The following LCLAT1 variants were observed in gnomAD, a reference collection of about 807,000 sequenced individuals.
LCLAT1 encodes lysocardiolipin acyltransferase 1, also known as 1-AGP acyltransferase 8.
LCLAT1 carries 11 observed loss-of-function variants against 30.7 expected under a neutral mutation model. That is an observed-to-expected ratio of 0.36 (90% CI 0.23 to 0.59). The LOEUF (loss-of-function observed/expected upper bound fraction) is 0.59, where lower values mean the gene tolerates loss of function less well. Ranked by LOEUF, LCLAT1 falls within the 20% of genes least tolerant of loss-of-function variation. The probability of loss-of-function intolerance (pLI) is 0.77; values close to 1 mark genes in which losing one functional copy is unlikely to be tolerated. For synonymous variants in LCLAT1, 155 were observed against 151.3 expected, an observed-to-expected ratio of 1.02 and a Z score of -0.18; for missense variants, 402 against 458.6, an observed-to-expected ratio of 0.88 and a Z score of 1.13.
chr2:30,619,797 T>C (rs1558561139), intron 5 of LCLAT1, among the ~76,000 whole-genome samples: 1 of 152,106 alleles, frequency 6.6e-6, no homozygotes, highest in African/African-American at 2.4e-5. Context: ...TTTAAGTTTT[T>C]CCCCCCAATC....
At chr2:30,469,348 G>A (rs370464232) in intron 1 of LCLAT1, among the ~76,000 whole-genome samples, 2 of 151,948 alleles carry the variant, frequency 1.3e-5, no homozygotes, top group South Asian at 2.1e-4. Context: ...CTTTGTTTTC[G>A]TATAAGAATT....
chr2:30,568,341 A>G (rs1258531358), intron 5 of LCLAT1, among the ~76,000 whole-genome samples, 165 bp downstream of exon 5: 1 of 152,074 alleles, frequency 6.6e-6, no homozygotes, highest in Non-Finnish European at 1.5e-5. Context: ...ATGTTTTGCC[A>G]TGTATTTGTT....
At chr2:30,615,041 A>G (rs903853757) in intron 5 of LCLAT1, among the ~76,000 whole-genome samples, 14 of 152,248 alleles carry the variant, frequency 9.2e-5, no homozygotes, top group African/African-American at 3.4e-4. Context: ...ATGAAAGAGG[A>G]TTGAAGACAG....
chr2:30,501,624 G>A (rs755730115), intron 1 of LCLAT1, among the ~76,000 whole-genome samples: 68 of 152,000 alleles, frequency 4.5e-4, no homozygotes, highest in African/African-American at 1.3e-3. Flanking sequence ...GCAGTGAGCC[G>A]AGATCATACC....
intron 5 of LCLAT1, among the ~76,000 whole-genome samples, chr2:30,575,494 C>G (rs929207860): frequency 1.6e-4 from 24 of 152,142 alleles, no homozygotes; most frequent in African/African-American, 5.8e-4. Flanking sequence ...AGTGATCACA[C>G]TTACAGATTT....
chr2:30,620,844 C>T (rs1668211539), intron 5 of LCLAT1, among the ~76,000 whole-genome samples: 1 of 152,112 alleles, frequency 6.6e-6, no homozygotes, highest in East Asian at 1.9e-4. Flanking sequence ...GGTCCACAAA[C>T]CCCTCCCATG....
chr2:30,471,630 G>T (rs907821209), intron 1 of LCLAT1, among the ~76,000 whole-genome samples: 3 of 152,034 alleles, frequency 2.0e-5, no homozygotes, highest in African/African-American at 2.4e-5. Flanking sequence ...TTATTCCTAG[G>T]TTTATTCTTT....
In LCLAT1 at chr2:30,449,047, C is replaced by T. The variant is rs1002123100; in HGVS notation, c.-5+1664C>T. Among the ~76,000 whole-genome samples, 13 of 152,298 alleles carry T rather than the reference C, an allele frequency of 8.5e-5. No homozygotes were observed. The East Asian group carries it at 2.5e-3, about 29-fold the overall frequency. ...ATGTGCCAACTCAGTCATCTAGCAT[C>T]ACTGTGAGGCGGATACATTTATTAT... On this transcript the variant is annotated intron_variant, in intron 1 of 5. Transcript: ENST00000379509.
At chr2:30,608,039 A>T (rs1399385458) in intron 5 of LCLAT1, among the ~76,000 whole-genome samples, 1 of 151,970 alleles carries the variant, frequency 6.6e-6, no homozygotes, top group Non-Finnish European at 1.5e-5. Context: ...CAAGTTTTAA[A>T]CATTTAGAAG....
At chr2:30,493,503 T>C (rs957237677) in intron 1 of LCLAT1, among the ~76,000 whole-genome samples, 1 of 152,238 alleles carries the variant, frequency 6.6e-6, no homozygotes, top group Non-Finnish European at 1.5e-5. Flanking sequence ...CCAAGCATGT[T>C]CTAGATCATG....
intron 1 of LCLAT1, among the ~76,000 whole-genome samples, chr2:30,477,470 A>G (rs768222437): frequency 2.0e-5 from 3 of 152,272 alleles, no homozygotes; most frequent in Non-Finnish European, 2.9e-5. Context: ...TCATTTCTGG[A>G]TACTTGTTTG....
At chr2:30,561,698 A>C (rs1333382723) in intron 3 of LCLAT1, among the ~76,000 whole-genome samples, 1 of 152,200 alleles carries the variant, frequency 6.6e-6, no homozygotes, top group African/African-American at 2.4e-5. Context: ...GAGTGGTATC[A>C]GAAGGGAAAT....
intron 3 of LCLAT1, among the ~76,000 whole-genome samples, chr2:30,534,959 A>G (rs1281275940): frequency 1.3e-5 from 2 of 152,238 alleles, no homozygotes; most frequent in East Asian, 3.8e-4. Context: ...CTAACAGGAT[A>G]TTAAGAATAA....
intron 1 of LCLAT1, among the ~76,000 whole-genome samples, chr2:30,506,884 G>A (rs984764297): frequency 6.6e-6 from 1 of 152,068 alleles, no homozygotes; most frequent in African/African-American, 2.4e-5. Context: ...TTTCACTAAC[G>A]TTTATGGAAA....
chr2:30,500,078 C>A (rs558960581), intron 1 of LCLAT1, among the ~76,000 whole-genome samples: 1 of 152,112 alleles, frequency 6.6e-6, no homozygotes, highest in African/African-American at 2.4e-5. Flanking sequence ...TGAAAGAAAA[C>A]ACCCATTTTA....
At chr2:30,620,462 T>A (rs1001233921) in intron 5 of LCLAT1, among the ~76,000 whole-genome samples, 4 of 152,208 alleles carry the variant, frequency 2.6e-5, no homozygotes, top group African/African-American at 9.6e-5. Context: ...TTGTAGTAAC[T>A]GCTGTAAAAT....
At chr2:30,587,115 C>T (rs7559747) in intron 5 of LCLAT1, among the ~76,000 whole-genome samples, 14,456 of 152,290 alleles carry the variant, frequency 0.095, 730 homozygotes, top group East Asian at 0.12. Context: ...CTGTCACTAA[C>T]ACTTGATCCT....
chr2:30,604,550 T>C (rs937821698), intron 5 of LCLAT1, among the ~76,000 whole-genome samples: 7 of 144,742 alleles, frequency 4.8e-5, no homozygotes, highest in African/African-American at 1.8e-4. Flanking sequence ...GTGTGTAAAA[T>C]AAAATTATAC....
intron 5 of LCLAT1, among the ~76,000 whole-genome samples, chr2:30,632,644 G>A (rs894142482): frequency 6.6e-6 from 1 of 152,202 alleles, no homozygotes; most frequent in African/African-American, 2.4e-5. Context: ...GAATAATGAT[G>A]ATACAACAAG....
Sources: allele counts gnomAD v4.1 joint callset (sites outside exome capture counted in the v4.1 genomes callset), GRCh38; gene constraint gnomAD v4.1.1; transcripts MANE v1.5; gene names NCBI Gene and HGNC (gene_info 2026-07-23, HGNC 2026-07-21).